Variants in PLD1 observed in about 807,000 individuals in gnomAD.
The protein encoded by PLD1 is choline phosphatase 1.
A neutral mutation model predicts 137.1 loss-of-function variants in PLD1; 112 were observed. That is an observed-to-expected ratio of 0.82 (90% CI 0.70 to 0.96). The LOEUF is 0.96. Among genes scored for constraint, PLD1 ranks in the 40% least tolerant of loss-of-function variants. The pLI is 0.00. For synonymous variants in PLD1, 431 were observed against 454.7 expected, an observed-to-expected ratio of 0.95 and a Z score of 0.66; for missense variants, 1,321 against 1,342.0, an observed-to-expected ratio of 0.98 and a Z score of 0.24.
intron 21 of PLD1, among the ~76,000 whole-genome samples, chr3:171,646,686 A>AG (rs967670802): frequency 1.4e-4 from 22 of 151,944 alleles, no homozygotes; most frequent in Admixed American, 5.2e-4. Context: ...AAAAAAAAAA[A>AG]AAAAGAAAAG....
chr3:171,803,921 T>C (rs1016427822), intron 1 of PLD1, among the ~76,000 whole-genome samples: 5 of 152,208 alleles, frequency 3.3e-5, no homozygotes, highest in African/African-American at 1.2e-4. Flanking sequence ...ATTTATTATC[T>C]TTTAAAAATA....
intron 6 of PLD1, among the ~76,000 whole-genome samples, chr3:171,730,452 G>T (rs1718847518): frequency 6.6e-6 from 1 of 151,794 alleles, no homozygotes; most frequent in Admixed American, 6.6e-5. Context: ...AGCAGAGGAA[G>T]TCTTCATAAT....
intron 19 of PLD1, among the ~76,000 whole-genome samples, chr3:171,664,254 A>C (rs1295626234): frequency 6.6e-6 from 1 of 152,222 alleles, no homozygotes; most frequent in African/African-American, 2.4e-5. Flanking sequence ...ATTATTCATC[A>C]GGTAGAAAAA....
Position 171,692,420 on chromosome 3 carries a change from A to G in PLD1, c.1250T>C (p.Ile417Thr). The G allele has an allele frequency of 6.3e-7, 1 of 1,588,082 alleles. No individual in the cohort carries two copies. Among genetic ancestry groups the G allele is most frequent in the Non-Finnish European group, 8.6e-7 (1 of 1,156,220 alleles). The part of the protein sequence containing the change: ...RKAQQGVRIF[I>T]MLYKEVELAL... ...GAGTTCCACCTCTTTGTAGAGCATT[A>G]TGAAGATCCTCACTCCTTGTTGCTG... Residue 417 changes from isoleucine to threonine, a missense_variant, in exon 13 of 27, where the codon ATA becomes ACA. Physicochemically the swap from Ile to Thr is moderately conservative, Grantham distance 89 (BLOSUM62 -1). Coordinates refer to ENST00000351298, the MANE Select transcript of PLD1 (RefSeq NM_002662.5).
intron 1 of PLD1, among the ~76,000 whole-genome samples, chr3:171,757,335 A>G (rs533671478): frequency 1.3e-5 from 2 of 152,220 alleles, no homozygotes; most frequent in Non-Finnish European, 2.9e-5. Context: ...GGAAGGCTCA[A>G]TAACTAGAAA....
intron 1 of PLD1, among the ~76,000 whole-genome samples, chr3:171,808,750 A>G (rs1343627321): frequency 1.3e-5 from 2 of 151,762 alleles, no homozygotes; most frequent in African/African-American, 4.8e-5. Context: ...ACTATAGTTC[A>G]TAATTATTCT....
At chr3:171,777,545 C>T (rs749534131) in intron 1 of PLD1, among the ~76,000 whole-genome samples, 2 of 152,234 alleles carry the variant, frequency 1.3e-5, no homozygotes, top group Non-Finnish European at 2.9e-5. Flanking sequence ...GCCATTTTCT[C>T]TAGTTCCTAC....
At chr3:171,777,472 C>T (rs1722629762) in intron 1 of PLD1, among the ~76,000 whole-genome samples, 1 of 152,180 alleles carries the variant, frequency 6.6e-6, no homozygotes, top group African/African-American at 2.4e-5. Flanking sequence ...GAGGCATTTC[C>T]TTCCTTGCTT....
chr3:171,661,230 T>C (rs1351965203), intron 20 of PLD1, among the ~76,000 whole-genome samples: 1 of 152,122 alleles, frequency 6.6e-6, no homozygotes, highest in Non-Finnish European at 1.5e-5. Context: ...ATTGTTGCTG[T>C]GCAGAGCGGG....
chr3:171,742,253 T>C (rs544937466), intron 1 of PLD1, among the ~76,000 whole-genome samples: 53 of 152,182 alleles, frequency 3.5e-4, no homozygotes, highest in Non-Finnish European at 6.3e-4. Context: ...AAAGTCAGGG[T>C]CTTGCTCTCT....
chr3:171,747,754 A>G (rs1472024110), intron 1 of PLD1, among the ~76,000 whole-genome samples: 1 of 152,218 alleles, frequency 6.6e-6, no homozygotes, highest in Non-Finnish European at 1.5e-5. Context: ...TGTCCTTACA[A>G]CAGACCTATG....
intron 21 of PLD1, 86 bp downstream of exon 21, chr3:171,659,127 G>A (rs1737448033): frequency 4.5e-6 from 4 of 883,108 alleles, no homozygotes; most frequent in South Asian, 4.1e-5. Flanking sequence ...GGAAATGACA[G>A]TACTTTAAAA....
intron 1 of PLD1, among the ~76,000 whole-genome samples, chr3:171,759,052 C>G (rs1371425738): frequency 6.6e-6 from 1 of 152,102 alleles, no homozygotes; most frequent in Non-Finnish European, 1.5e-5. Context: ...CACAATCCAG[C>G]AGTTGCTTCT....
intron 1 of PLD1, among the ~76,000 whole-genome samples, chr3:171,808,395 G>A (rs1723959108): frequency 6.6e-6 from 1 of 152,076 alleles, no homozygotes; most frequent in African/African-American, 2.4e-5. Context: ...AATCAACCGG[G>A]CGTGGCAGCA....
intron 19 of PLD1, among the ~76,000 whole-genome samples, chr3:171,671,186 G>A (rs899605341): frequency 3.9e-5 from 6 of 152,076 alleles, no homozygotes; most frequent in African/African-American, 1.4e-4. Context: ...ATATTTAGCT[G>A]GATATTTCCA....
At chr3:171,713,360 C>T (rs1004644543) in intron 9 of PLD1, among the ~76,000 whole-genome samples, 2 of 152,152 alleles carry the variant, frequency 1.3e-5, no homozygotes, top group Admixed American at 1.3e-4. Flanking sequence ...ACTCAGGAGG[C>T]TGAAGTGGGA....
chr3:171,759,414 T>C (rs1383223677), intron 1 of PLD1, among the ~76,000 whole-genome samples: 2 of 152,232 alleles, frequency 1.3e-5, no homozygotes, highest in Non-Finnish European at 2.9e-5. Context: ...AGAAAGATAA[T>C]TTTACACTTA....
At chr3:171,628,870 A>T (rs548830145) in intron 23 of PLD1, among the ~76,000 whole-genome samples, 1 of 151,946 alleles carries the variant, frequency 6.6e-6, no homozygotes. Flanking sequence ...CTCAAAATAA[A>T]AAGAGCTATC....
intron 20 of PLD1, among the ~76,000 whole-genome samples, chr3:171,661,140 T>C (rs1737634376): frequency 1.3e-5 from 2 of 152,182 alleles, no homozygotes; most frequent in African/African-American, 4.8e-5. Flanking sequence ...CCAGCTAATA[T>C]ATTATATTTA....
Sources: gnomAD v4.1 joint callset for allele counts (sites outside exome capture counted in the v4.1 genomes callset) on GRCh38, gnomAD v4.1.1 for gene constraint, MANE v1.5 for transcripts, NCBI Gene and HGNC (gene_info 2026-07-23, HGNC 2026-07-21) for gene names.